CACNG2: variants seen among roughly 807,000 people sequenced by gnomAD.
CACNG2 encodes calcium voltage-gated channel auxiliary subunit gamma 2, also known as voltage-dependent calcium channel gamma-2 subunit.
A neutral mutation model predicts 25.9 loss-of-function variants in CACNG2; 3 were observed. The observed-to-expected ratio is 0.12, with a 90% confidence interval of 0.05 to 0.30. The LOEUF is 0.30. Ranked by LOEUF, CACNG2 falls within the 10% of genes least tolerant of loss-of-function variation. CACNG2 has a pLI of 1.00. For missense variants in CACNG2, 341 were observed against 432.5 expected (o/e 0.79, Z 1.88); for synonymous variants, 167 against 173.3 (o/e 0.96, Z 0.29).
At chr22:36,579,540 C>T (rs1022415043) in intron 2 of CACNG2, among the ~76,000 whole-genome samples, 2 of 152,016 alleles carry the variant, frequency 1.3e-5, no homozygotes, top group African/African-American at 4.8e-5. Flanking sequence ...CTGTGGTCTC[C>T]TAAGTGGTCT....
chr22:36,630,234 T>C (rs1936247740), intron 1 of CACNG2, among the ~76,000 whole-genome samples: 1 of 152,014 alleles, frequency 6.6e-6, no homozygotes, highest in Non-Finnish European at 1.5e-5. Flanking sequence ...GTTGGTCAGG[T>C]ATTGTGGCAG....
At chr22:36,652,740 G>C (rs1351567592) in intron 1 of CACNG2, among the ~76,000 whole-genome samples, 1 of 152,116 alleles carries the variant, frequency 6.6e-6, no homozygotes, top group Non-Finnish European at 1.5e-5. Flanking sequence ...CCACCACCAA[G>C]CACATAACAG....
At chr22:36,619,428 A>G (rs898911258) in intron 1 of CACNG2, among the ~76,000 whole-genome samples, 4 of 152,254 alleles carry the variant, frequency 2.6e-5, no homozygotes, top group Non-Finnish European at 4.4e-5. Context: ...AATAAAAGTC[A>G]AATGAACAAT....
chr22:36,682,305 T>C (rs888728092), intron 1 of CACNG2, among the ~76,000 whole-genome samples: 1 of 152,154 alleles, frequency 6.6e-6, no homozygotes, highest in East Asian at 1.9e-4. Flanking sequence ...TCTCAGCACC[T>C]CCGTTTCCTC....
At chr22:36,689,881 ATGG>A (rs1422242459) in intron 1 of CACNG2, among the ~76,000 whole-genome samples, 2 of 152,238 alleles carry the variant, frequency 1.3e-5, no homozygotes, top group African/African-American at 4.8e-5. Context: ...GTGACCTAAA[ATGG>A]GTGAGCGTCT....
intron 1 of CACNG2, among the ~76,000 whole-genome samples, chr22:36,697,896 A>C (rs1937360416): frequency 6.6e-6 from 1 of 152,190 alleles, no homozygotes; most frequent in Admixed American, 6.5e-5. Flanking sequence ...AAAAGGGAAG[A>C]AAATCAATTG....
At chr22:36,675,115 C>A (rs1465423158) in intron 1 of CACNG2, among the ~76,000 whole-genome samples, 2 of 152,172 alleles carry the variant, frequency 1.3e-5, no homozygotes, top group East Asian at 1.9e-4. Flanking sequence ...CGGCTCACTG[C>A]AACCTCAACC....
chr22:36,684,886 A>T (rs570115183), intron 1 of CACNG2, among the ~76,000 whole-genome samples: 7 of 152,312 alleles, frequency 4.6e-5, no homozygotes, highest in African/African-American at 1.4e-4. Flanking sequence ...GGTCTGTCTG[A>T]TGCCCAAACT....
rs369209330 is a variant in CACNG2, at chr22:36,657,458, C to T, written c.211+44908G>A. On this transcript the variant is annotated intron_variant, in intron 1 of 3. Transcript: ENST00000300105. The stretch of plus-strand genomic sequence containing the variant: ...CAGATAGAGGGGCCTGGCCTGGACT[C>T]GGGAGGGCTCTGCCTGGGAGAAGAA... Among the ~76,000 whole-genome samples, 14 of 152,262 alleles carry T rather than the reference C, an allele frequency of 9.2e-5. 1 individual carries two copies. The highest frequency in any genetic ancestry group is 6.2e-4 in the South Asian group (3 of 4,822).
rs933518893 is a variant in CACNG2 at position 36,562,493 on chromosome 22, G to T, written c.*1858C>A. 6.6e-6 allele frequency: 1 copy of T among 152,182 alleles called. No homozygotes were observed. Among genetic ancestry groups the T allele is most frequent in the African/African-American group, 2.4e-5 (1 of 41,404 alleles). 9.4% of individuals were successfully genotyped at this position (152,182 alleles called of 1,614,324 possible). On this transcript the variant is annotated 3_prime_UTR_variant, in exon 4 of 4. Coordinates refer to ENST00000300105, the MANE Select transcript of CACNG2 (RefSeq NM_006078.5). Reference sequence around the variant, plus strand: ...GGTGTGTGTGTGTGTGTGGGTATGTGTGCGTGTGTGGGTATGTGTGCATGT... The same window carrying T: ...GGTGTGTGTGTGTGTGTGGGTATGTTTGCGTGTGTGGGTATGTGTGCATGT...
rs1300223468 is a variant in CACNG2, at chr22:36,564,218, G to GT, written c.*132dup. The GT allele has an allele frequency of 3.8e-5, 28 of 731,858 alleles. No homozygotes were observed. Among genetic ancestry groups the GT allele is most frequent in the Admixed American group, 7.3e-5 (2 of 27,372 alleles). The allele number at this position is 731,858 out of a possible 1,614,324, so 45.3% of individuals were successfully genotyped here. On this transcript the variant is annotated 3_prime_UTR_variant, in exon 4 of 4. Coordinates refer to ENST00000300105, the MANE Select transcript of CACNG2 (RefSeq NM_006078.5). This position sits in a 1 kb window ranked among gnomAD's most constrained non-coding sequence, Gnocchi z 6.7. ...GTGTGTGTGTGTTTTTTTGTTTTTT[G>GT]TTTTTTTGTTTTTTTTGTTTTTTGT...
At chr22:36,574,241 G>C (rs114471973) in intron 2 of CACNG2, among the ~76,000 whole-genome samples, 1 of 152,234 alleles carries the variant, frequency 6.6e-6, no homozygotes, top group African/African-American at 2.4e-5. Context: ...GGGAAGCAGT[G>C]AGAAGGCTAC....
At chr22:36,665,663 A>G (rs989073481) in intron 1 of CACNG2, among the ~76,000 whole-genome samples, 1 of 152,236 alleles carries the variant, frequency 6.6e-6, no homozygotes, top group Non-Finnish European at 1.5e-5. Context: ...TCAAAACCAC[A>G]GCGAGATACC....
intron 1 of CACNG2, among the ~76,000 whole-genome samples, chr22:36,692,397 C>T (rs572937511): frequency 6.6e-6 from 1 of 152,272 alleles, no homozygotes; most frequent in South Asian, 2.1e-4. Flanking sequence ...TGCCTCTGGG[C>T]CCGGCAGTAA....
At chr22:36,617,156 G>C (rs1205105973) in intron 1 of CACNG2, among the ~76,000 whole-genome samples, 1 of 152,182 alleles carries the variant, frequency 6.6e-6, no homozygotes, top group South Asian at 2.1e-4. Context: ...TCATGGGGGT[G>C]GGGAGATTGG....
At chr22:36,653,382 T>C (rs974945917) in intron 1 of CACNG2, among the ~76,000 whole-genome samples, 6 of 129,448 alleles carry the variant, frequency 4.6e-5, no homozygotes, top group African/African-American at 9.9e-5. Flanking sequence ...AATTGGGAGA[T>C]GTCACATAAA....
chr22:36,644,322 C>T (rs1462805065), intron 1 of CACNG2, among the ~76,000 whole-genome samples: 1 of 152,182 alleles, frequency 6.6e-6, no homozygotes, highest in African/African-American at 2.4e-5. Flanking sequence ...GCAACAATCC[C>T]CATTAGCTTG....
rs887192802 is a variant in CACNG2 at position 36,694,623 on chromosome 22, G to A, written c.211+7743C>T. Among the ~76,000 whole-genome samples the A allele has an allele frequency of 3.2e-4, 48 of 152,278 alleles. 1 individual carries two copies. The highest frequency in any genetic ancestry group is 1.9e-3 in the East Asian group (10 of 5,192). Reference sequence around the variant, plus strand: ...AGGGTAATAAGGAGAGGTGGCACTAGGGTATGGGGCTGTCTCAAATGTTTA... The same window carrying A: ...AGGGTAATAAGGAGAGGTGGCACTAAGGTATGGGGCTGTCTCAAATGTTTA... On this transcript the variant is annotated intron_variant, in intron 1 of 3. Coordinates refer to ENST00000300105, the MANE Select transcript of CACNG2 (RefSeq NM_006078.5).
At chr22:36,572,712 CAA>C (rs1005967863) in intron 2 of CACNG2, among the ~76,000 whole-genome samples, 12 of 111,786 alleles carry the variant, frequency 1.1e-4, no homozygotes, top group African/African-American at 1.0e-4. Context: ...GACTCCATCT[CAA>C]AAAAAAAAAA....
Sources: gnomAD v4.1 joint callset for allele counts (sites outside exome capture counted in the v4.1 genomes callset) on GRCh38, gnomAD v4.1.1 for gene constraint, Gnocchi (gnomAD v3.1) non-coding constraint, MANE v1.5 for transcripts, NCBI Gene and HGNC (gene_info 2026-07-23, HGNC 2026-07-21) for gene names.